Variants in UBOX5 observed in about 807,000 individuals in gnomAD.
The protein encoded by UBOX5 is RING finger protein 37.
Under a neutral mutation model 39.0 loss-of-function variants are expected in UBOX5, and 28 were observed. The observed-to-expected ratio is 0.72, with a 90% CI of 0.53 to 0.98. The LOEUF (loss-of-function observed/expected upper bound fraction) is 0.98. UBOX5 is among the 50% of genes least tolerant of loss of function. The pLI, the probability that UBOX5 is intolerant of heterozygous loss-of-function variation, is 0.00. For missense variants in UBOX5, 585 were observed against 674.4 expected (o/e 0.87, Z 1.47); for synonymous variants, 283 against 275.5 (o/e 1.03, Z -0.27).
At chr20:3,133,487 G>A (rs1300552856) in intron 1 of UBOX5, among the ~76,000 whole-genome samples, 1 of 151,992 alleles carries the variant, frequency 6.6e-6, no homozygotes, top group African/African-American at 2.4e-5. Context: ...TGTGGCTAAT[G>A]TGCCCTGCTT....
chr20:3,122,464 A>T lies in UBOX5; in HGVS notation c.175T>A (p.Phe59Ile). Residue 59 changes from phenylalanine to isoleucine, a missense_variant, in exon 3 of 5, where the codon TTT becomes ATT. Physicochemically the swap from Phe to Ile is conservative, Grantham distance 21 (BLOSUM62 0). Coordinates refer to ENST00000217173, the MANE Select transcript of UBOX5 (RefSeq NM_014948.4). The stretch of plus-strand genomic sequence containing the variant: ...TTGATCCTACAGATTTCCACATTAA[A>T]GGGAAATGAAACTGTCACATAGACT... ...PPVYVTVSFP[F>I]NVEICRINID... 6.2e-7 allele frequency: 1 copy of T among 1,614,226 alleles called. No homozygotes were observed. Among genetic ancestry groups the T allele is most frequent in the Non-Finnish European group, 8.5e-7 (1 of 1,180,034 alleles).
At chr20:3,132,545 GTGAT>G (rs2148605307) in intron 1 of UBOX5, among the ~76,000 whole-genome samples, 2 of 151,542 alleles carry the variant, frequency 1.3e-5, no homozygotes, top group South Asian at 4.2e-4. Context: ...GAAACGAGGC[GTGAT>G]TGGTCATGCC....
intron 4 of UBOX5, among the ~76,000 whole-genome samples, chr20:3,111,415 G>C (rs373606383): frequency 1.3e-5 from 2 of 152,066 alleles, no homozygotes; most frequent in African/African-American, 4.8e-5. Context: ...CCTCAAAGCT[G>C]CCTCCAATGA....
chr20:3,113,461 G>A (rs2148586597), intron 4 of UBOX5, among the ~76,000 whole-genome samples: 1 of 152,242 alleles, frequency 6.6e-6, no homozygotes, highest in South Asian at 2.1e-4. Context: ...AGTGGAGCAT[G>A]GTGATGGGCT....
intron 1 of UBOX5, among the ~76,000 whole-genome samples, chr20:3,153,306 C>T (rs973603234): frequency 6.6e-6 from 1 of 152,196 alleles, no homozygotes; most frequent in Admixed American, 6.5e-5. Context: ...AAAACACAGG[C>T]TAAGATCCAA....
At chr20:3,148,574 T>C (rs1207646422) in intron 1 of UBOX5, 1 of 1,614,156 alleles carries the variant, frequency 6.2e-7, no homozygotes, top group Non-Finnish European at 8.5e-7. Context: ...CTTACACAAA[T>C]AATCAACAAT....
intron 1 of UBOX5, among the ~76,000 whole-genome samples, chr20:3,134,766 G>A (rs2066456191): frequency 7.0e-6 from 1 of 143,782 alleles, no homozygotes; most frequent in African/African-American, 2.6e-5. Flanking sequence ...GGCTGAGGCA[G>A]GAGAATCACA....
intron 1 of UBOX5, 36 bp from the exon 2 acceptor site, chr20:3,123,442 TAA>T: frequency 6.9e-6 from 10 of 1,451,826 alleles, no homozygotes; most frequent in Non-Finnish European, 8.6e-6. Flanking sequence ...TTAGAAAATG[TAA>T]AATTCAATTC....
chr20:3,153,204 C>T (rs188376058), intron 1 of UBOX5, among the ~76,000 whole-genome samples: 14 of 152,266 alleles, frequency 9.2e-5, no homozygotes, highest in South Asian at 4.1e-4. Context: ...AATTACTATA[C>T]GTGGTCTGGA....
intron 1 of UBOX5, among the ~76,000 whole-genome samples, chr20:3,128,660 G>T (rs568266597): frequency 2.0e-4 from 31 of 152,164 alleles, no homozygotes; most frequent in African/African-American, 6.5e-4. Flanking sequence ...CCAGGAGTTC[G>T]AGATCAGCCC....
In UBOX5 at chr20:3,121,826, G is replaced by A; in HGVS notation, c.813C>T (p.Ile271=). ...AGGGCAGCAGCATGGGACAAGGCAT[G>A]ATCTCCAGGGTGATGGGATCCAGGA... ...EEFLDPITLE[I]MPCPMLLPSG... is the part of the protein sequence containing the mutation. Residue 271 remains isoleucine, a synonymous_variant, in exon 3 of 5, where the codon ATC becomes ATT. Transcript: ENST00000217173. The A allele has an allele frequency of 6.2e-7, 1 of 1,614,156 alleles. No individual in the cohort carries two copies. Among genetic ancestry groups the A allele is most frequent in the African/African-American group, 1.3e-5 (1 of 75,070 alleles).
At chr20:3,152,790 C>CAG (rs139736950) in intron 1 of UBOX5, among the ~76,000 whole-genome samples, 2,168 of 151,836 alleles carry the variant, frequency 0.014, 24 homozygotes, top group Admixed American at 0.023. Context: ...CCTGTAATCC[C>CAG]AGCTACTTGA....
chr20:3,115,015 T>C (rs574655767), intron 4 of UBOX5, among the ~76,000 whole-genome samples: 1 of 152,058 alleles, frequency 6.6e-6, no homozygotes, highest in Non-Finnish European at 1.5e-5. Flanking sequence ...TAATTAACAT[T>C]AGATCTCACA....
chr20:3,140,134 G>T (rs536046423), intron 1 of UBOX5, among the ~76,000 whole-genome samples: 101 of 144,760 alleles, frequency 7.0e-4, no homozygotes, highest in African/African-American at 2.2e-3. Context: ...CGATTGTCCT[G>T]TCTCAGCCTC....
chr20:3,133,277 AT>A lies in UBOX5; in HGVS notation c.-41-9872del, dbSNP rs767802397. Reference sequence around the variant, plus strand: ...TGCCTTCTGCCTTAACAGAAAAAAAATAATGGCTCAACATATGAAAATGCAA... The same window carrying A: ...TGCCTTCTGCCTTAACAGAAAAAAAAAATGGCTCAACATATGAAAATGCAA... On this transcript the variant is annotated intron_variant, in intron 1 of 4. Coordinates refer to ENST00000217173, the MANE Select transcript of UBOX5 (RefSeq NM_014948.4). Among the ~76,000 whole-genome samples the A allele has an allele frequency of 2.0e-5, 3 of 152,328 alleles. No individual in the cohort carries two copies. In the South Asian group the frequency reaches 6.2e-4, roughly 32 times the overall value.
At position 3,120,345 on chromosome 20, in the gene UBOX5, C is replaced by CAAA. The variant is rs35882932; in HGVS notation, c.1255+1036_1255+1038dup. On this transcript the variant is annotated intron_variant, in intron 3 of 4. Coordinates refer to ENST00000217173, the MANE Select transcript of UBOX5 (RefSeq NM_014948.4). ...CTGGTGACAGAGCGAGACTCCATCTCAAAAAAAAAAAAAAAAACAGAAGTC... is the reference window on the plus strand; with the variant it reads ...CTGGTGACAGAGCGAGACTCCATCTCAAAAAAAAAAAAAAAAAAAACAGAAGTC... 2.5e-3 allele frequency among the ~76,000 whole-genome samples: 177 copies of CAAA among 70,992 alleles called. 3 individuals carry two copies. The highest frequency in any genetic ancestry group is 8.2e-3 in the African/African-American group (165 of 20,072). 46.6% of individuals were successfully genotyped at this position (70,992 alleles called of 152,430 possible).
intron 1 of UBOX5, among the ~76,000 whole-genome samples, chr20:3,158,127 TTTTTTTG>T (rs2066707939): frequency 6.6e-6 from 1 of 151,884 alleles, no homozygotes; most frequent in South Asian, 2.1e-4. Context: ...TTTTGTGTGT[TTTTTTTG>T]TTTTTTGTTT....
At chr20:3,129,989 G>A (rs2066417099) in intron 1 of UBOX5, among the ~76,000 whole-genome samples, 1 of 152,172 alleles carries the variant, frequency 6.6e-6, no homozygotes, top group African/African-American at 2.4e-5. Context: ...CAGTACTCTG[G>A]GAGACCAAGG....
At chr20:3,152,564 G>A (rs1342302916) in intron 1 of UBOX5, among the ~76,000 whole-genome samples, 2 of 152,092 alleles carry the variant, frequency 1.3e-5, no homozygotes, top group Admixed American at 1.3e-4. Flanking sequence ...ACCACAATGT[G>A]CAACTAAAGC....
Sources: allele counts gnomAD v4.1 joint callset (sites outside exome capture counted in the v4.1 genomes callset), GRCh38; gene constraint gnomAD v4.1.1; transcripts MANE v1.5; gene names NCBI Gene and HGNC (gene_info 2026-07-23, HGNC 2026-07-21).